DZIP1: variants seen among roughly 807,000 people sequenced by gnomAD.
DZIP1 encodes the protein cilium assembly protein DZIP1.
A neutral mutation model predicts 107.6 loss-of-function variants in DZIP1; 97 were observed. The ratio of observed to expected loss-of-function variants is 0.90; its 90% confidence interval spans 0.77 to 1.07. DZIP1 has a LOEUF of 1.07. DZIP1 is among the 50% of genes least tolerant of loss of function. The probability of loss-of-function intolerance (pLI) is 0.00; values close to 1 mark genes in which losing one functional copy is unlikely to be tolerated. For synonymous variants in DZIP1, 390 were observed against 386.4 expected, an observed-to-expected ratio of 1.01 and a Z score of -0.11; for missense variants, 1,035 against 1,063.6, an observed-to-expected ratio of 0.97 and a Z score of 0.37.
chr13:95,584,419 C>A (rs1292290701), intron 22 of DZIP1, among the ~76,000 whole-genome samples: 1 of 151,840 alleles, frequency 6.6e-6, no homozygotes, highest in Non-Finnish European at 1.5e-5. Flanking sequence ...CTGTTTGAGC[C>A]TAGAAGGTTA....
intron 15 of DZIP1, among the ~76,000 whole-genome samples, chr13:95,598,876 TA>T (rs2044534539): frequency 6.6e-6 from 1 of 152,150 alleles, no homozygotes; most frequent in Admixed American, 6.5e-5. Context: ...AATTCCACCA[TA>T]AAAATACTGT....
intron 10 of DZIP1, among the ~76,000 whole-genome samples, chr13:95,618,580 A>AT (rs1268758399): frequency 1.3e-5 from 2 of 152,062 alleles, no homozygotes; most frequent in Non-Finnish European, 2.9e-5. Flanking sequence ...AAATATTTTT[A>AT]TTTTTTGTTT....
Position 95,633,225 on chromosome 13 carries a change from A to G in DZIP1, c.685+9T>C. ...AGAAAAGAGCTTTCAAACAGAACTCATTACTCACCAAAATGAGAATTTTCT... is the reference window on the plus strand; with the variant it reads ...AGAAAAGAGCTTTCAAACAGAACTCGTTACTCACCAAAATGAGAATTTTCT... On this transcript the variant is annotated intron_variant, in intron 6 of 22. Coordinates refer to ENST00000376829, the MANE Select transcript of DZIP1 (RefSeq NM_198968.4). 2 of 1,612,552 alleles carry G rather than the reference A, an allele frequency of 1.2e-6. No individual in the cohort carries two copies. Among genetic ancestry groups the G allele is most frequent in the Non-Finnish European group, 1.7e-6 (2 of 1,178,562 alleles).
chr13:95,633,650 G>A (rs1207530421), intron 5 of DZIP1, among the ~76,000 whole-genome samples: 2 of 137,428 alleles, frequency 1.5e-5, no homozygotes, highest in Non-Finnish European at 3.0e-5. Context: ...CTGCACTCCA[G>A]CCTGGACAAC....
intron 15 of DZIP1, among the ~76,000 whole-genome samples, chr13:95,598,278 C>A (rs2044515322): frequency 6.6e-6 from 1 of 152,060 alleles, no homozygotes; most frequent in African/African-American, 2.4e-5. Context: ...GGAAGATATG[C>A]AATCCTAAAC....
At chr13:95,585,932 T>C (rs1046593101) in intron 21 of DZIP1, 74 bp downstream of exon 21, 6 of 1,436,300 alleles carry the variant, frequency 4.2e-6, no homozygotes, top group Admixed American at 2.4e-5. Flanking sequence ...TATATTTCAC[T>C]ACAAAAAGTG....
At chr13:95,599,472 G>A (rs562295843) in intron 14 of DZIP1, 48 bp from the exon 15 acceptor site, 1 of 1,413,384 alleles carries the variant, frequency 7.1e-7, no homozygotes, top group Admixed American at 1.7e-5. Flanking sequence ...CAACAGCAAA[G>A]TTACATTAGT....
chr13:95,600,118 C>T (rs1378288365), intron 14 of DZIP1, among the ~76,000 whole-genome samples: 2 of 152,154 alleles, frequency 1.3e-5, no homozygotes, highest in African/African-American at 2.4e-5. Flanking sequence ...TATATGCATA[C>T]ACAAGGAAGC....
rs952862806 is a variant in DZIP1 at position 95,622,367 on chromosome 13, A to G, written c.1086T>C (p.Asn362=). 2 of 1,614,112 alleles carry G rather than the reference A, an allele frequency of 1.2e-6. No individual in the cohort carries two copies. Among genetic ancestry groups the G allele is most frequent in the African/African-American group, 1.3e-5 (1 of 74,934 alleles). ...CCTGACTATCAAGAAGCTGCATGAC[A>G]TTATGGAAATCCTGGGGATATGGAG... ...DRSPYPQDFH[N]VMQLLDSQES... is the part of the protein sequence containing the mutation. The change falls in exon 9 of 23, where the codon AAT becomes AAC. Residue 362 remains asparagine (N), a synonymous_variant. Transcript: ENST00000376829.
At chr13:95,614,056 G>A (rs367575678) in intron 10 of DZIP1, among the ~76,000 whole-genome samples, 1 of 151,162 alleles carries the variant, frequency 6.6e-6, no homozygotes, top group African/African-American at 2.4e-5. Flanking sequence ...ACCCCAGGAG[G>A]TTGGAGCTGC....
intron 6 of DZIP1, 86 bp from the exon 7 acceptor site, chr13:95,630,199 G>A (rs946122843): frequency 2.8e-5 from 40 of 1,425,194 alleles, no homozygotes; most frequent in Non-Finnish European, 3.3e-5. Flanking sequence ...TTGATAACAC[G>A]AAGGAAACTG....
Position 95,624,737 on chromosome 13 carries a change from T to C in DZIP1, c.972+31A>G, listed in dbSNP as rs140383561. 30 of 1,565,718 alleles carry C rather than the reference T, an allele frequency of 1.9e-5. No homozygotes were observed. In the African/African-American group the frequency reaches 3.9e-4, roughly 20 times the overall value. On this transcript the variant is annotated intron_variant, in intron 8 of 22. Coordinates refer to ENST00000376829, the MANE Select transcript of DZIP1 (RefSeq NM_198968.4). The stretch of plus-strand genomic sequence containing the variant: ...TAACACCACCTCTCAAGGCAATCAA[T>C]ACCATAAGAACTTCTAGGTTTAATA...
chr13:95,615,219 A>C (rs974579982), intron 10 of DZIP1, among the ~76,000 whole-genome samples: 1 of 152,134 alleles, frequency 6.6e-6, no homozygotes, highest in African/African-American at 2.4e-5. Flanking sequence ...ACAACTCGCA[A>C]TGACAAAGTA....
intron 16 of DZIP1, among the ~76,000 whole-genome samples, chr13:95,591,606 G>A (rs2044314915): frequency 6.6e-6 from 1 of 151,998 alleles, no homozygotes; most frequent in South Asian, 2.1e-4. Context: ...AGTTTTCTCT[G>A]ACCTCAGTTA....
chr13:95,638,038 C>G (rs748140846), intron 5 of DZIP1, among the ~76,000 whole-genome samples: 59 of 148,058 alleles, frequency 4.0e-4, no homozygotes, highest in Non-Finnish European at 3.6e-4. Flanking sequence ...ACTCTTTAAA[C>G]ATTTTGCTAT....
intron 10 of DZIP1, among the ~76,000 whole-genome samples, chr13:95,615,963 C>CA (rs1202563502): frequency 1.3e-5 from 2 of 151,714 alleles, no homozygotes; most frequent in Non-Finnish European, 2.9e-5. Context: ...AATCAGCTTT[C>CA]AAAAAAAACA....
intron 3 of DZIP1, 122 bp downstream of exon 3, chr13:95,642,921 A>C (rs961469649): frequency 6.6e-6 from 1 of 152,220 alleles, no homozygotes; most frequent in Non-Finnish European, 1.5e-5. Context: ...TCCCCAAAAT[A>C]TGTAATACTT....
Position 95,610,055 on chromosome 13 carries a change from A to AGTGTGTGTGT in DZIP1, c.1364-552_1364-543dup, listed in dbSNP as rs58398816. 5.8e-3 allele frequency among the ~76,000 whole-genome samples: 637 copies of AGTGTGTGTGT among 109,222 alleles called. 5 individuals are homozygous for AGTGTGTGTGT. Among genetic ancestry groups the AGTGTGTGTGT allele is most frequent in the East Asian group, 0.012 (47 of 3,856 alleles). The allele number at this position is 109,222 out of a possible 152,430, so 71.7% of individuals were successfully genotyped here. A position where few individuals can be genotyped will look rare whatever the true frequency, so the allele number is the denominator to read the frequency against. Reference sequence around the variant, plus strand: ...CTCTTGCCCTGGTCTTGACTGGTTTAGTGTGTGTGTGTGTGTGTGTGTGTG... The same window carrying AGTGTGTGTGT: ...CTCTTGCCCTGGTCTTGACTGGTTTAGTGTGTGTGTGTGTGTGTGTGTGTGTGTGTGTGTG... On this transcript the variant is annotated intron_variant, in intron 12 of 22. Transcript: ENST00000376829.
intron 14 of DZIP1, among the ~76,000 whole-genome samples, chr13:95,600,399 G>A (rs950423927): frequency 6.6e-6 from 1 of 152,144 alleles, no homozygotes; most frequent in Non-Finnish European, 1.5e-5. Context: ...TGATGAGCCA[G>A]GGTAAAAATG....
Sources: gnomAD v4.1 joint callset for allele counts (sites outside exome capture counted in the v4.1 genomes callset) on GRCh38, gnomAD v4.1.1 for gene constraint, MANE v1.5 for transcripts, NCBI Gene and HGNC (gene_info 2026-07-23, HGNC 2026-07-21) for gene names.